Variants in MRGBP observed in about 807,000 individuals in gnomAD.
MRGBP encodes the protein MRG/MORF4L-binding protein.
A neutral mutation model predicts 21.5 loss-of-function variants in MRGBP; 5 were observed. The observed-to-expected ratio is 0.23, with a 90% confidence interval of 0.12 to 0.49. The LOEUF is 0.49. Ranked by LOEUF, MRGBP falls within the 20% of genes least tolerant of loss-of-function variation. The pLI, the probability that MRGBP is intolerant of heterozygous loss-of-function variation, is 0.98. For missense variants in MRGBP, 227 were observed against 277.4 expected, an observed-to-expected ratio of 0.82 and a Z score of 1.29; for synonymous variants, 118 against 104.4, an observed-to-expected ratio of 1.13 and a Z score of -0.79.
In MRGBP at chr20:62,796,566, A is replaced by C; in HGVS notation, c.43A>C (p.Lys15Gln). Reference protein sequence around the residue: ...EVGGGGAAGDKGPGEAATSPA... With the variant: ...EVGGGGAAGDQGPGEAATSPA... ...GGGCGGCGGGGGCGCCGCAGGCGAC[A>C]AGGGCCCGGGGGAGGCGGCCACCAG... The change falls in exon 1 of 5, where the codon AAG becomes CAG. Residue 15 changes from lysine (K) to glutamine (Q), a missense_variant. Physicochemically the swap from Lys to Gln is moderately conservative, Grantham distance 53. Around this residue, in one of 2 missense-constraint regions of MRGBP, gnomAD observed 65 missense variants for 49.7 expected, o/e 1.31. Transcript: ENST00000370487. 8.1e-7 allele frequency: 1 copy of C among 1,230,610 alleles called. No individual in the cohort carries two copies. Among genetic ancestry groups the C allele is most frequent in the East Asian group, 3.7e-5 (1 of 27,084 alleles). 76.2% of individuals were successfully genotyped at this position (1,230,610 alleles called of 1,614,324 possible).
intron 4 of MRGBP, 71 bp downstream of exon 4, chr20:62,799,120 C>A: frequency 1.3e-6 from 2 of 1,497,456 alleles, no homozygotes; most frequent in Non-Finnish European, 1.8e-6. Flanking sequence ...TCAGGCAGGG[C>A]ACAGTCAGGT....
rs768182100 is a variant in MRGBP at position 62,798,634 on chromosome 20, C to T, written c.318C>T (p.Val106=). 1.2e-6 allele frequency: 2 copies of T among 1,613,858 alleles called. No homozygotes were observed. Among genetic ancestry groups the T allele is most frequent in the South Asian group, 2.2e-5 (2 of 91,074 alleles). ...LPFPNPERNF[V]LPEEIIQEVR... is the part of the protein sequence containing the mutation. The stretch of plus-strand genomic sequence containing the variant: ...TCCCGAATCCAGAGAGGAACTTCGT[C>T]CTTCCAGAAGAGATCATTCAGGAGG... Residue 106 remains valine, a synonymous_variant, in exon 3 of 5, where the codon GTC becomes GTT. Transcript: ENST00000370487.
rs1172682736 is a variant in MRGBP at position 62,797,189 on chromosome 20, C to T, written c.228C>T (p.Val76=). Residue 76 remains valine, a synonymous_variant, in exon 2 of 5, where the codon GTC becomes GTT. Coordinates refer to ENST00000370487, the MANE Select transcript of MRGBP (RefSeq NM_018270.6). The part of the protein sequence containing the change: ...QNIGRQVPSK[V]IWDHLSTMYD... ...TCGGGCGGCAGGTCCCATCCAAGGT[C>T]ATCTGGGACCATCTGAGCACCATGT... 6.2e-7 allele frequency: 1 copy of T among 1,604,242 alleles called. No individual in the cohort carries two copies. The highest frequency in any genetic ancestry group is 1.7e-5 in the Admixed American group (1 of 58,794).
Position 62,799,850 on chromosome 20 carries a change from C to T in MRGBP, c.*207C>T. The T allele has an allele frequency of 3.5e-6, 2 of 571,790 alleles. No homozygotes were observed. Among genetic ancestry groups the T allele is most frequent in the Non-Finnish European group, 6.1e-6 (2 of 326,916 alleles). 35.4% of individuals were successfully genotyped at this position (571,790 alleles called of 1,614,324 possible). On this transcript the variant is annotated 3_prime_UTR_variant, in exon 5 of 5. Coordinates refer to ENST00000370487, the MANE Select transcript of MRGBP (RefSeq NM_018270.6). ...TGGACCATGTGGGACCCTGATGGAC[C>T]TGAAAGACCAGGATCGGTCCAGCTC... is the stretch of plus-strand genomic sequence containing the variant.
chr20:62,796,929 G>A, intron 1 of MRGBP, among the ~76,000 whole-genome samples, 181 bp from the exon 2 acceptor site: 1 of 101,284 alleles, frequency 9.9e-6, no homozygotes, highest in Non-Finnish European at 2.0e-5. Context: ...CCCGCCCCGG[G>A]ACAGCCCACC....
Position 62,801,703 on chromosome 20 carries a change from C to G in MRGBP, c.*2060C>G, listed in dbSNP as rs965898048. 2.0e-5 allele frequency: 3 copies of G among 152,268 alleles called. No homozygotes were observed. The highest frequency in any genetic ancestry group is 7.2e-5 in the African/African-American group (3 of 41,464). The allele number at this position is 152,268 out of a possible 1,614,324, so 9.4% of individuals were successfully genotyped here. A position where few individuals can be genotyped will look rare whatever the true frequency, so the allele number is the denominator to read the frequency against. On this transcript the variant is annotated 3_prime_UTR_variant, in exon 5 of 5. Coordinates refer to ENST00000370487, the MANE Select transcript of MRGBP (RefSeq NM_018270.6). ...TGACCTCAGATTGTGCTAGGAAAGC[C>G]TAGTTAATAAATCTGCCTCATCTCG...
chr20:62,796,504 T>G lies in MRGBP; in HGVS notation c.-20T>G. 1 of 1,132,724 alleles carries G rather than the reference T, an allele frequency of 8.8e-7. No individual in the cohort carries two copies. Among genetic ancestry groups the G allele is most frequent in the Non-Finnish European group, 1.1e-6 (1 of 924,336 alleles). 70.2% of individuals were successfully genotyped at this position (1,132,724 alleles called of 1,614,324 possible). ...GCGCCTGCTCCCGCCGGGGGCTCCT[T>G]GCTCGGCCGGGCCGCGGCCATGGGA... On this transcript the variant is annotated 5_prime_UTR_variant, in exon 1 of 5. Transcript: ENST00000370487.
chr20:62,796,629 G>C lies in MRGBP; in HGVS notation c.106G>C (p.Glu36Gln). The C allele has an allele frequency of 7.5e-7, 1 of 1,338,174 alleles. No individual in the cohort carries two copies. The highest frequency in any genetic ancestry group is 9.6e-7 in the Non-Finnish European group (1 of 1,041,028). The allele number at this position is 1,338,174 out of a possible 1,614,324, so 82.9% of individuals were successfully genotyped here. ...GACAGTGGTGTGGAGCCCCGAGGTG[G>C]AGGTGTGCCTCTTCCACGCCATGCT... is the stretch of plus-strand genomic sequence containing the variant. ...EETVVWSPEV[E>Q]VCLFHAMLGH... Residue 36 changes from glutamate to glutamine, a missense_variant, in exon 1 of 5, where the codon GAG becomes CAG. Physicochemically the swap from Glu to Gln is conservative, Grantham distance 29 (BLOSUM62 2). Transcript: ENST00000370487.
In MRGBP at chr20:62,799,652, C is replaced by A; in HGVS notation, c.*9C>A. 2.5e-6 allele frequency: 4 copies of A among 1,602,546 alleles called. No individual in the cohort carries two copies. Among genetic ancestry groups the A allele is most frequent in the Non-Finnish European group, 3.4e-6 (4 of 1,173,502 alleles). ...AGCGGCGCCGCACGTAGACCCTCAGCCCTGGTGGCGGCAGAGAAGCGGGCG... is the reference window on the plus strand; with the variant it reads ...AGCGGCGCCGCACGTAGACCCTCAGACCTGGTGGCGGCAGAGAAGCGGGCG... On this transcript the variant is annotated 3_prime_UTR_variant, in exon 5 of 5. Transcript: ENST00000370487.
chr20:62,796,988 C>A (rs1211016028), intron 1 of MRGBP, 122 bp from the exon 2 acceptor site: 2 of 617,024 alleles, frequency 3.2e-6, no homozygotes, highest in Non-Finnish European at 4.8e-6. Flanking sequence ...CCCCTCCACA[C>A]CCTGGCCCTC....
rs953279385 is a variant in MRGBP, at chr20:62,799,836, G to A, written c.*193G>A. ...ACGTGTGTGTCAGTTGGACCATGTG[G>A]GACCCTGATGGACCTGAAAGACCAG... is the stretch of plus-strand genomic sequence containing the variant. On this transcript the variant is annotated 3_prime_UTR_variant, in exon 5 of 5. Transcript: ENST00000370487. 2.2e-5 allele frequency: 13 copies of A among 589,474 alleles called. No individual in the cohort carries two copies. The highest frequency in any genetic ancestry group is 2.0e-4 in the African/African-American group (11 of 53,840). The allele number at this position is 589,474 out of a possible 1,614,324, so 36.5% of individuals were successfully genotyped here.
chr20:62,799,150 C>G, intron 4 of MRGBP, 101 bp downstream of exon 4: 1 of 1,249,338 alleles, frequency 8.0e-7, no homozygotes, highest in Non-Finnish European at 1.1e-6. Flanking sequence ...GCCTGCGGTG[C>G]AGAGGCCCCA....
chr20:62,798,444 C>A (rs1295834896), intron 2 of MRGBP, 143 bp from the exon 3 acceptor site: 1 of 672,412 alleles, frequency 1.5e-6, no homozygotes, highest in Non-Finnish European at 2.7e-6. Context: ...TGCCCTTTGC[C>A]CTTGCCCCGC....
In MRGBP at chr20:62,801,483, C is replaced by G. The variant is rs548485994; in HGVS notation, c.*1840C>G. The G allele has an allele frequency of 6.6e-6, 1 of 152,380 alleles. No individual in the cohort carries two copies. Among genetic ancestry groups the G allele is most frequent in the East Asian group, 1.9e-4 (1 of 5,174 alleles). The allele number at this position is 152,380 out of a possible 1,614,324, so 9.4% of individuals were successfully genotyped here. A position where few individuals can be genotyped will look rare whatever the true frequency, so the allele number is the denominator to read the frequency against. ...CGTCTGATCTCTCCTGTTAGGTCAG[C>G]CTCATTCAGGGCTTTGTGCCAGGTC... On this transcript the variant is annotated 3_prime_UTR_variant, in exon 5 of 5. Transcript: ENST00000370487.
In MRGBP at chr20:62,800,099, C is replaced by G. The variant is rs1453427654; in HGVS notation, c.*456C>G. On this transcript the variant is annotated 3_prime_UTR_variant, in exon 5 of 5. Coordinates refer to ENST00000370487, the MANE Select transcript of MRGBP (RefSeq NM_018270.6). ...CTGGTCTTCCCTGTGTGACTCAGTT[C>G]TTTCCATCTGTTTGTCCCGCTGCAA... is the stretch of plus-strand genomic sequence containing the variant. The G allele has an allele frequency of 6.4e-6, 1 of 155,414 alleles. No individual in the cohort carries two copies. 9.6% of individuals were successfully genotyped at this position (155,414 alleles called of 1,614,324 possible). A position where few individuals can be genotyped will look rare whatever the true frequency, so the allele number is the denominator to read the frequency against.
In MRGBP at chr20:62,798,928, G is replaced by T; in HGVS notation, c.353-47G>T. ...CCTGGCCTGACCATCCCCCAGCGTCGGCCACCACCGTGGGTTTTCGGTGAG... is the reference window on the plus strand; with the variant it reads ...CCTGGCCTGACCATCCCCCAGCGTCTGCCACCACCGTGGGTTTTCGGTGAG... On this transcript the variant is annotated intron_variant, in intron 3 of 4. Coordinates refer to ENST00000370487, the MANE Select transcript of MRGBP (RefSeq NM_018270.6). 4.3e-6 allele frequency: 7 copies of T among 1,611,822 alleles called. No individual in the cohort carries two copies. In the South Asian group the frequency reaches 7.7e-5, roughly 18 times the overall value.
At chr20:62,796,850 C>T (rs1184108724) in intron 1 of MRGBP, among the ~76,000 whole-genome samples, 179 bp downstream of exon 1, 1 of 139,238 alleles carries the variant, frequency 7.2e-6, no homozygotes, top group Non-Finnish European at 1.6e-5. Flanking sequence ...GACCCCGCCC[C>T]GGACCCCGCC....
chr20:62,797,477 T>G (rs1457842451), intron 2 of MRGBP, among the ~76,000 whole-genome samples: 1 of 152,162 alleles, frequency 6.6e-6, no homozygotes, highest in Non-Finnish European at 1.5e-5. Flanking sequence ...GGCTCGTCCT[T>G]AAGGAGGACA....
Position 62,799,049 on chromosome 20 carries a change from G to C in MRGBP, c.427G>C (p.Val143Leu). 1.9e-6 allele frequency: 3 copies of C among 1,609,626 alleles called. No individual in the cohort carries two copies. Among genetic ancestry groups the C allele is most frequent in the Non-Finnish European group, 1.7e-6 (2 of 1,177,898 alleles). Residue 143 changes from valine to leucine, a missense_variant and splice_region_variant, in exon 4 of 5, where the codon GTT becomes CTT. Physicochemically the swap from Val to Leu is conservative, Grantham distance 32 (BLOSUM62 1). This residue lies in a region of MRGBP where 162 missense variants were observed against 227.7 expected (regional missense o/e 0.71). Transcript: ENST00000370487. ...DVDPHNGADD[V>L]FSSSGSLGKA... ...GGACCCCCACAATGGGGCTGACGATGGTGAGTGTGGAGCTCACCCTGCCCT... is the reference window on the plus strand; with the variant it reads ...GGACCCCCACAATGGGGCTGACGATCGTGAGTGTGGAGCTCACCCTGCCCT...
Sources: allele counts gnomAD v4.1 joint callset (sites outside exome capture counted in the v4.1 genomes callset), GRCh38; gene constraint gnomAD v4.1.1; regional missense constraint gnomAD v4.1.1; transcripts MANE v1.5; gene names NCBI Gene and HGNC (gene_info 2026-07-23, HGNC 2026-07-21).